Variants in ULK4 observed in about 807,000 individuals in gnomAD.
ULK4 encodes inactive serine/threonine-protein kinase ULK4.
Under a neutral mutation model 160.6 loss-of-function variants are expected in ULK4, and 133 were observed. The ratio of observed to expected loss-of-function variants is 0.83; its 90% CI spans 0.72 to 0.96. The LOEUF (loss-of-function observed/expected upper bound fraction) is 0.96. Ranked by LOEUF, ULK4 falls within the 40% of genes least tolerant of loss-of-function variation. ULK4 has a pLI of 0.00. For synonymous variants in ULK4, 534 were observed against 539.8 expected (o/e 0.99, Z 0.15); for missense variants, 1,580 against 1,499.5 (o/e 1.05, Z -0.89).
intron 19 of ULK4, among the ~76,000 whole-genome samples, chr3:41,804,391 C>A (rs1425964551): frequency 6.6e-6 from 1 of 152,002 alleles, no homozygotes; most frequent in Non-Finnish European, 1.5e-5. Flanking sequence ...AGCCCTTTGT[C>A]GGATGAGTAG....
At chr3:41,838,141 C>A (rs2041812243) in intron 17 of ULK4, among the ~76,000 whole-genome samples, 1 of 152,158 alleles carries the variant, frequency 6.6e-6, no homozygotes, top group Non-Finnish European at 1.5e-5. Flanking sequence ...CACCAGCACA[C>A]TACTCTAAAA....
At chr3:41,369,356 T>G (rs1273281702) in intron 35 of ULK4, among the ~76,000 whole-genome samples, 1 of 152,016 alleles carries the variant, frequency 6.6e-6, no homozygotes, top group Non-Finnish European at 1.5e-5. Context: ...TAGCCAGGTG[T>G]GGTGGCACAT....
At chr3:41,855,245 C>T (rs1293262014) in intron 17 of ULK4, among the ~76,000 whole-genome samples, 1 of 137,670 alleles carries the variant, frequency 7.3e-6, no homozygotes, top group Admixed American at 7.0e-5. Flanking sequence ...AGAAACATAC[C>T]CGTTTTCTAA....
intron 32 of ULK4, among the ~76,000 whole-genome samples, chr3:41,562,702 C>G (rs886130268): frequency 6.6e-6 from 1 of 151,178 alleles, no homozygotes; most frequent in Non-Finnish European, 1.5e-5. Context: ...TTTTTGCTTT[C>G]CATTTGCTTG....
intron 17 of ULK4, among the ~76,000 whole-genome samples, chr3:41,859,998 C>A (rs996448862): frequency 4.0e-5 from 6 of 151,810 alleles, no homozygotes; most frequent in African/African-American, 1.5e-4. Flanking sequence ...CTTCACTGAC[C>A]CACTATTCAG....
At chr3:41,433,478 T>C (rs1011810394) in intron 34 of ULK4, among the ~76,000 whole-genome samples, 1 of 152,204 alleles carries the variant, frequency 6.6e-6, no homozygotes, top group Non-Finnish European at 1.5e-5. Context: ...TTCTAGAAAT[T>C]TGTCCTATAA....
At chr3:41,833,348 G>A (rs2041655820) in intron 18 of ULK4, among the ~76,000 whole-genome samples, 1 of 151,328 alleles carries the variant, frequency 6.6e-6, no homozygotes, top group African/African-American at 2.4e-5. Context: ...CAGGCTGGAG[G>A]GCAGTGGCGC....
At chr3:41,511,226 C>T (rs907137911) in intron 32 of ULK4, among the ~76,000 whole-genome samples, 5 of 149,544 alleles carry the variant, frequency 3.3e-5, no homozygotes, top group South Asian at 2.1e-4. Flanking sequence ...TCACACCTCA[C>T]GAAACTAGAG....
intron 27 of ULK4, among the ~76,000 whole-genome samples, chr3:41,688,235 A>T (rs1259705813): frequency 2.0e-5 from 3 of 151,690 alleles, no homozygotes; most frequent in Non-Finnish European, 4.4e-5. Flanking sequence ...TCAGAGTAGG[A>T]CCTGAATCTG....
intron 32 of ULK4, among the ~76,000 whole-genome samples, chr3:41,517,276 C>T (rs1423714931): frequency 6.6e-6 from 1 of 152,172 alleles, no homozygotes; most frequent in Non-Finnish European, 1.5e-5. Flanking sequence ...ATCCATCCCT[C>T]CTCCAGCACA....
intron 35 of ULK4, among the ~76,000 whole-genome samples, chr3:41,263,838 A>G (rs571500988): frequency 2.0e-5 from 3 of 152,204 alleles, no homozygotes; most frequent in Non-Finnish European, 4.4e-5. Flanking sequence ...GCATGATTCT[A>G]TGGTCAATAG....
At chr3:41,613,591 G>A (rs1293316969) in intron 31 of ULK4, among the ~76,000 whole-genome samples, 1 of 151,922 alleles carries the variant, frequency 6.6e-6, no homozygotes, top group Non-Finnish European at 1.5e-5. Flanking sequence ...AATTTTAAAA[G>A]GATAAGTAAT....
chr3:41,684,553 G>A (rs927827102), intron 27 of ULK4, among the ~76,000 whole-genome samples: 1 of 152,186 alleles, frequency 6.6e-6, no homozygotes, highest in Non-Finnish European at 1.5e-5. Flanking sequence ...CCTGGAGACT[G>A]AGACACATAA....
chr3:41,571,745 G>C (rs2087981028), intron 31 of ULK4, among the ~76,000 whole-genome samples: 1 of 152,164 alleles, frequency 6.6e-6, no homozygotes, highest in Non-Finnish European at 1.5e-5. Flanking sequence ...CCAAATTTAA[G>C]ACTGAATCCC....
chr3:41,925,368 G>A (rs910085162), intron 5 of ULK4, among the ~76,000 whole-genome samples: 1 of 152,166 alleles, frequency 6.6e-6, no homozygotes, highest in Admixed American at 6.5e-5. Flanking sequence ...AGTGCACTCC[G>A]GCCCACATAC....
chr3:41,767,064 G>A (rs1248732978), intron 21 of ULK4: 1 of 152,156 alleles, frequency 6.6e-6, no homozygotes, highest in Non-Finnish European at 1.5e-5. Context: ...AAAAGGATTT[G>A]TCATCATACA....
intron 1 of ULK4, chr3:41,955,589 A>T (rs981868660): frequency 2.6e-5 from 4 of 155,218 alleles, no homozygotes; most frequent in African/African-American, 7.2e-5. Flanking sequence ...CCAAAGATGT[A>T]TGGCTTTACT....
chr3:41,841,954 G>A (rs979719017), intron 17 of ULK4, among the ~76,000 whole-genome samples: 15 of 151,972 alleles, frequency 9.9e-5, no homozygotes. Flanking sequence ...CTCATTAAGA[G>A]TCATCACCAC....
At chr3:41,471,899 GA>G (rs533326544) in intron 32 of ULK4, among the ~76,000 whole-genome samples, 88 of 142,656 alleles carry the variant, frequency 6.2e-4, no homozygotes, top group Non-Finnish European at 1.1e-3. Flanking sequence ...ACATCAAAAA[GA>G]AAGGTCTCAA....
Sources: allele counts gnomAD v4.1 joint callset (sites outside exome capture counted in the v4.1 genomes callset), GRCh38; gene constraint gnomAD v4.1.1; transcripts MANE v1.5; gene names NCBI Gene and HGNC (gene_info 2026-07-23, HGNC 2026-07-21).